Variants in MTMR11 observed in about 807,000 individuals in gnomAD.
MTMR11 encodes the protein myotubularin related protein 11.
MTMR11 carries 89 observed loss-of-function variants against 100.0 expected under a neutral mutation model. That is an observed-to-expected ratio of 0.89 (90% CI 0.75 to 1.06). MTMR11 has a LOEUF of 1.06. Among genes scored for constraint, MTMR11 ranks in the 50% least tolerant of loss-of-function variants. MTMR11 has a pLI of 0.00. For synonymous variants in MTMR11, 336 were observed against 326.3 expected, an observed-to-expected ratio of 1.03 and a Z score of -0.32; for missense variants, 809 against 873.7, an observed-to-expected ratio of 0.93 and a Z score of 0.93.
chr1:149,929,203 C>T lies in MTMR11; in HGVS notation c.2056G>A (p.Asp686Asn), dbSNP rs373465441. 41 of 1,613,850 alleles carry T rather than the reference C, an allele frequency of 2.5e-5. No individual in the cohort carries two copies. The African/African-American group carries it at 4.8e-4, about 19-fold the overall frequency. ...ISPEDHSKKR[D>N]PHTILNPTEI... Reference sequence around the variant, plus strand: ...GTGGGATTGAGAATGGTATGTGGATCTCTTTTCTTGGAGTGATCCTCAGGA... The same window carrying T: ...GTGGGATTGAGAATGGTATGTGGATTTCTTTTCTTGGAGTGATCCTCAGGA... The change falls in exon 17 of 17, where the codon GAT (aspartate) becomes AAT (asparagine). Residue 686 changes from aspartate (D) to asparagine (N), a missense_variant. Physicochemically the swap from Asp to Asn is conservative, Grantham distance 23. Coordinates refer to ENST00000439741, the MANE Select transcript of MTMR11 (RefSeq NM_001145862.2).
At chr1:149,932,069 G>A in intron 11 of MTMR11, 55 bp from the exon 12 acceptor site, 2 of 1,533,512 alleles carry the variant, frequency 1.3e-6, no homozygotes, top group Non-Finnish European at 1.8e-6. Context: ...GGGGAATGGA[G>A]TGATTTTGAT....
intron 11 of MTMR11, 114 bp from the exon 12 acceptor site, chr1:149,932,128 T>C: frequency 4.3e-6 from 6 of 1,389,390 alleles, no homozygotes; most frequent in Non-Finnish European, 6.1e-6. Flanking sequence ...CCCTCCTCCT[T>C]CTAAAGAGCA....
rs6693649 is a variant in MTMR11 at position 149,931,153 on chromosome 1, C to T, written c.1290+107G>A. 7.6e-4 allele frequency: 1,141 copies of T among 1,493,918 alleles called. 9 individuals are homozygous for T. In the African/African-American group the frequency reaches 0.014, roughly 18 times the overall value. 92.5% of individuals were successfully genotyped at this position (1,493,918 alleles called of 1,614,324 possible). On this transcript the variant is annotated intron_variant, in intron 13 of 16. Coordinates refer to ENST00000439741, the MANE Select transcript of MTMR11 (RefSeq NM_001145862.2). ...CAGGATCTTCGTCCCAGCCTAACCT[C>T]GGGGCCCTTCTGACCGGATTCACCT...
rs782469445 is a variant in MTMR11 at position 149,930,820 on chromosome 1, G to A, written c.1436C>T (p.Pro479Leu). Residue 479 changes from proline (P) to leucine (L), a missense_variant, in exon 14 of 17, where the codon CCC (proline) becomes CTC (leucine). Coordinates refer to ENST00000439741, the MANE Select transcript of MTMR11 (RefSeq NM_001145862.2). ...PDTLTFLRNTPWERGKQSGQL... is the reference protein window; with the variant it reads ...PDTLTFLRNTLWERGKQSGQL... ...TCCGCTCTGCTTTCCGCGCTCCCAG[G>A]GGGTATTTCTCAGGAAGGTAAGGGT... is the stretch of plus-strand genomic sequence containing the variant. 1.1e-5 allele frequency: 18 copies of A among 1,591,846 alleles called. 1 individual carries two copies. The East Asian group carries it at 1.8e-4, about 16-fold the overall frequency.
At chr1:149,936,295 G>A in intron 1 of MTMR11, 66 bp from the exon 2 acceptor site, 1 of 1,605,100 alleles carries the variant, frequency 6.2e-7, no homozygotes, top group Non-Finnish European at 8.5e-7. Flanking sequence ...CCCAGAGGCA[G>A]CTGCCTGTAG....
In MTMR11 at chr1:149,933,913, C is replaced by T. The variant is rs782132670; in HGVS notation, c.713G>A (p.Arg238Gln). 4 of 1,614,150 alleles carry T rather than the reference C, an allele frequency of 2.5e-6. No homozygotes were observed. Among genetic ancestry groups the T allele is most frequent in the Admixed American group, 1.7e-5 (1 of 60,014 alleles). The stretch of plus-strand genomic sequence containing the variant: ...TCTCCTGACCTCACTGTCCAGAATT[C>T]GGTTAGGGACCCAGAAGTAACGGGG... ...SLPRYFWVPN[R>Q]ILDSEVRRAF... The change falls in exon 8 of 17, where the codon CGA becomes CAA. Residue 238 changes from arginine to glutamine, a missense_variant. Transcript: ENST00000439741.
Position 149,934,328 on chromosome 1 carries a change from T to C in MTMR11, c.548-2A>G. On this transcript the variant is annotated splice_acceptor_variant, in intron 6 of 16. Coordinates refer to ENST00000439741, the MANE Select transcript of MTMR11 (RefSeq NM_001145862.2). LOFTEE classifies it high-confidence loss of function. ...GTTTTCTGGAGCCAGAACCCTGGCC[T>C]AGAACAGGAGTGAGACATAGAGGAG... 1 of 1,614,188 alleles carries C rather than the reference T, an allele frequency of 6.2e-7. No individual in the cohort carries two copies. Among genetic ancestry groups the C allele is most frequent in the Non-Finnish European group, 8.5e-7 (1 of 1,180,024 alleles).
chr1:149,934,916 C>T (rs1270591944), intron 5 of MTMR11, 70 bp downstream of exon 5: 22 of 1,551,940 alleles, frequency 1.4e-5, no homozygotes, highest in Non-Finnish European at 1.8e-5. Context: ...GGAGGAGTCT[C>T]AGAAATTGTC....
In MTMR11 at chr1:149,932,294, A is replaced by G; in HGVS notation, c.1022T>C (p.Leu341Pro). 2 of 1,614,126 alleles carry G rather than the reference A, an allele frequency of 1.2e-6. No individual in the cohort carries two copies. Among genetic ancestry groups the G allele is most frequent in the Non-Finnish European group, 1.7e-6 (2 of 1,179,936 alleles). ...SVAEDKWLSA[L>P]EGTRWLDYVR... ...ATAGTCCAGCCATCGTGTTCCTTCC[A>G]GGGCTGAAAGCCATTTATCCTCAGC... is the stretch of plus-strand genomic sequence containing the variant. The change falls in exon 11 of 17, where the codon CTG (leucine) becomes CCG (proline). Residue 341 changes from leucine (L) to proline (P), a missense_variant. Transcript: ENST00000439741.
intron 2 of MTMR11, 102 bp downstream of exon 2, chr1:149,936,052 G>A (rs1414566160): frequency 2.0e-5 from 26 of 1,301,476 alleles, no homozygotes; most frequent in East Asian, 4.6e-5. Flanking sequence ...GACGTACTTC[G>A]AGCCACGAGA....
At chr1:149,931,502 T>C in intron 12 of MTMR11, 76 bp from the exon 13 acceptor site, 1 of 1,379,966 alleles carries the variant, frequency 7.2e-7, no homozygotes, top group Non-Finnish European at 9.8e-7. Context: ...AGAAGAGAAA[T>C]ACGGCAAGGA....
chr1:149,936,082 G>T, intron 2 of MTMR11, 72 bp downstream of exon 2: 2 of 1,483,254 alleles, frequency 1.3e-6, no homozygotes, highest in South Asian at 1.1e-5. Context: ...GGGTATCTTT[G>T]GTGAGGGCAT....
Position 149,933,949 on chromosome 1 carries a change from A to G in MTMR11, c.684-7T>C, listed in dbSNP as rs782099634. The stretch of plus-strand genomic sequence containing the variant: ...CCAGAAGTAACGGGGGAGGCTGTGA[A>G]ATGAGAGTGATATTACAGTTTGGCT... On this transcript the variant is annotated splice_polypyrimidine_tract_variant and splice_region_variant and intron_variant, in intron 7 of 16. Transcript: ENST00000439741. 10 of 1,611,262 alleles carry G rather than the reference A, an allele frequency of 6.2e-6. No homozygotes were observed. Among genetic ancestry groups the G allele is most frequent in the Non-Finnish European group, 8.5e-6 (10 of 1,177,338 alleles).
rs782273472 is a variant in MTMR11 at position 149,936,206 on chromosome 1, C to T, written c.90G>A (p.Pro30=). ...EMGSVQENRM[P]EPRSRQPSSC... ...TGCTAGGCTGACGACTCCTGGGCTC[C>T]GGCATCCTATTTTCCTGGACAGACT... The change falls in exon 2 of 17, where the codon CCG becomes CCA. Residue 30 remains proline, a synonymous_variant. Transcript: ENST00000439741. 14 of 1,614,064 alleles carry T rather than the reference C, an allele frequency of 8.7e-6. No individual in the cohort carries two copies. The highest frequency in any genetic ancestry group is 7.7e-5 in the South Asian group (7 of 91,066).
Position 149,934,968 on chromosome 1 carries a change from A to G in MTMR11, c.468+18T>C, listed in dbSNP as rs2092704284. 2 of 1,611,630 alleles carry G rather than the reference A, an allele frequency of 1.2e-6. No individual in the cohort carries two copies. Among genetic ancestry groups the G allele is most frequent in the Non-Finnish European group, 1.7e-6 (2 of 1,179,490 alleles). ...GGTTCTGAGGTGAGGAGAAAGCCTCAGGTTAGGGGCCTCTTACCTGAAAAG... is the reference window on the plus strand; with the variant it reads ...GGTTCTGAGGTGAGGAGAAAGCCTCGGGTTAGGGGCCTCTTACCTGAAAAG... On this transcript the variant is annotated intron_variant, in intron 5 of 16. Transcript: ENST00000439741.
At chr1:149,934,626 A>T in intron 5 of MTMR11, 100 bp from the exon 6 acceptor site, 1 of 1,284,168 alleles carries the variant, frequency 7.8e-7, no homozygotes, top group Non-Finnish European at 1.1e-6. Context: ...GCCAAGAATG[A>T]AGAAGAACAG....
At chr1:149,930,166 G>A (rs1553767159) in intron 15 of MTMR11, 199 bp downstream of exon 15, 4 of 686,482 alleles carry the variant, frequency 5.8e-6, no homozygotes, top group Non-Finnish European at 9.6e-6. Flanking sequence ...CTTGAGGAAG[G>A]ACAAAAAGGG....
Position 149,929,673 on chromosome 1 carries a change from G to A in MTMR11, c.1891C>T (p.Gln631Ter). 6.2e-7 allele frequency: 1 copy of A among 1,613,932 alleles called. No homozygotes were observed. Among genetic ancestry groups the A allele is most frequent in the Non-Finnish European group, 8.5e-7 (1 of 1,179,996 alleles). ...TAGCAGCGTCTCCAGAGCCTGATCT[G>A]GGGTCCCAGATACCCAGGCAGCAGC... ...GLLLPGYLGP[Q>*]IRLWRRCYLR... Residue 631 changes from glutamine to a stop codon, truncating the protein, a stop_gained, in exon 16 of 17, where the codon CAG becomes TAG. Transcript: ENST00000439741. LOFTEE classifies it high-confidence loss of function.
Position 149,935,715 on chromosome 1 carries a change from A to G in MTMR11, c.143-10T>C, listed in dbSNP as rs781950325. 1 of 1,583,960 alleles carries G rather than the reference A, an allele frequency of 6.3e-7. No individual in the cohort carries two copies. The highest frequency in any genetic ancestry group is 1.1e-5 in the South Asian group (1 of 87,946). ...GCTAGGATCTGCTCCCCTAAAGGGGAAGAAGGGAAGCCCTGTTATGACTGT... is the reference window on the plus strand; with the variant it reads ...GCTAGGATCTGCTCCCCTAAAGGGGGAGAAGGGAAGCCCTGTTATGACTGT... On this transcript the variant is annotated splice_polypyrimidine_tract_variant and intron_variant, in intron 2 of 16. Transcript: ENST00000439741.
Sources: allele counts gnomAD v4.1 joint callset, GRCh38; gene constraint gnomAD v4.1.1; transcripts MANE v1.5; gene names NCBI Gene and HGNC (gene_info 2026-07-23, HGNC 2026-07-21).